MTUS2: variants seen among roughly 807,000 people sequenced by gnomAD.
The protein encoded by MTUS2 is microtubule associated scaffold protein 2.
In MTUS2, 40 loss-of-function variants were observed where a neutral mutation model predicts 114.1. That is an observed-to-expected ratio of 0.35 (90% confidence interval 0.27 to 0.46). MTUS2 has a LOEUF of 0.46. Among genes scored for constraint, MTUS2 ranks in the 20% least tolerant of loss-of-function variants. The pLI, the probability that MTUS2 is intolerant of heterozygous loss-of-function variation, is 1.00. For synonymous variants in MTUS2, 688 were observed against 672.0 expected, an observed-to-expected ratio of 1.02 and a Z score of -0.37; for missense variants, 1,679 against 1,705.4, an observed-to-expected ratio of 0.98 and a Z score of 0.27.
At chr13:29,261,350 T>C (rs1374569401) in intron 5 of MTUS2, among the ~76,000 whole-genome samples, 3 of 152,164 alleles carry the variant, frequency 2.0e-5, no homozygotes, top group African/African-American at 7.2e-5. Flanking sequence ...CCCTGAAGTG[T>C]TCATACATAT....
At chr13:28,939,050 G>A (rs1027607221) in intron 2 of MTUS2, among the ~76,000 whole-genome samples, 2 of 152,190 alleles carry the variant, frequency 1.3e-5, no homozygotes, top group African/African-American at 4.8e-5. Context: ...CTTCAGCGCT[G>A]TAACCACTTT....
At chr13:29,369,133 A>G (rs1192141653) in intron 8 of MTUS2, among the ~76,000 whole-genome samples, 1 of 152,182 alleles carries the variant, frequency 6.6e-6, no homozygotes, top group East Asian at 1.9e-4. Flanking sequence ...AAAAGGTTAC[A>G]GAATGAGGAA....
chr13:28,953,686 T>G (rs1882920744), intron 2 of MTUS2, among the ~76,000 whole-genome samples: 2 of 152,228 alleles, frequency 1.3e-5, no homozygotes, highest in Non-Finnish European at 2.9e-5. Flanking sequence ...TGGGATAAGC[T>G]CTCCATGCAT....
chr13:29,371,960 A>T, intron 8 of MTUS2, among the ~76,000 whole-genome samples: 1 of 104,318 alleles, frequency 9.6e-6, no homozygotes, highest in East Asian at 3.5e-4. Context: ...GTAGATCTTA[A>T]GTGTCCTCAA....
chr13:29,037,002 C>T (rs1377534322), intron 4 of MTUS2, among the ~76,000 whole-genome samples: 4 of 152,034 alleles, frequency 2.6e-5, no homozygotes, highest in East Asian at 1.9e-4. Context: ...GTGTTTACCC[C>T]GTTTACATAT....
chr13:29,178,345 T>G (rs1893860493), intron 5 of MTUS2, among the ~76,000 whole-genome samples: 3 of 152,174 alleles, frequency 2.0e-5, no homozygotes, highest in Non-Finnish European at 2.9e-5. Context: ...CTCCCCAGAT[T>G]TAAAGTGAAT....
At chr13:28,884,580 A>G (rs1878478842) in intron 2 of MTUS2, among the ~76,000 whole-genome samples, 1 of 152,196 alleles carries the variant, frequency 6.6e-6, no homozygotes, top group African/African-American at 2.4e-5. Context: ...ATCTACACAC[A>G]TGAGTACACA....
At chr13:29,379,612 C>T (rs2138355750) in intron 8 of MTUS2, among the ~76,000 whole-genome samples, 1 of 152,034 alleles carries the variant, frequency 6.6e-6, no homozygotes, top group Admixed American at 6.5e-5. Context: ...GGAAAGAGTC[C>T]CCTAATACCA....
intron 1 of MTUS2, among the ~76,000 whole-genome samples, chr13:28,823,353 A>G (rs770709944): frequency 1.2e-4 from 18 of 152,260 alleles, no homozygotes; most frequent in South Asian, 2.1e-4. Context: ...GGCTTATAAT[A>G]TCTACCACAC....
Position 29,026,350 on chromosome 13 carries a change from C to T in MTUS2, c.1652C>T (p.Pro551Leu). ...AACATGACCTACCAGCCTACAACACCCAGTAGCAGTTTTCAGGATGTTAGC... is the reference window on the plus strand; with the variant it reads ...AACATGACCTACCAGCCTACAACACTCAGTAGCAGTTTTCAGGATGTTAGC... ...TVNMTYQPTT[P>L]SSSFQDVSVF... The change falls in exon 3 of 16, where the codon CCC (proline) becomes CTC (leucine). Residue 551 changes from proline to leucine, a missense_variant. This residue lies in a region of MTUS2 where 843 missense variants were observed against 770.8 expected (regional missense o/e 1.09). Coordinates refer to ENST00000612955, the MANE Select transcript of MTUS2 (RefSeq NM_001033602.4). 6.2e-7 allele frequency: 1 copy of T among 1,613,976 alleles called. No individual in the cohort carries two copies. Among genetic ancestry groups the T allele is most frequent in the South Asian group, 1.1e-5 (1 of 91,076 alleles).
intron 9 of MTUS2, among the ~76,000 whole-genome samples, chr13:29,466,397 C>A (rs1360376350): frequency 6.6e-6 from 1 of 152,158 alleles, no homozygotes. Context: ...TGGGTGGAAA[C>A]AATTCAAGGT....
At chr13:29,129,192 T>C in intron 5 of MTUS2, among the ~76,000 whole-genome samples, 1 of 95,360 alleles carries the variant, frequency 1.0e-5, no homozygotes, top group African/African-American at 3.9e-5. Flanking sequence ...TGGCAGTCTT[T>C]TTTTTTTTTT....
chr13:29,434,198 G>A (rs1202309769), intron 8 of MTUS2, among the ~76,000 whole-genome samples: 1 of 152,156 alleles, frequency 6.6e-6, no homozygotes, highest in Non-Finnish European at 1.5e-5. Flanking sequence ...TGATGAAATT[G>A]TCCTCAGTAC....
chr13:28,958,021 G>A (rs923060379), intron 2 of MTUS2, among the ~76,000 whole-genome samples: 5 of 152,160 alleles, frequency 3.3e-5, no homozygotes, highest in African/African-American at 9.7e-5. Flanking sequence ...CATGGTCTCC[G>A]AGCACAGCCA....
At chr13:29,225,518 C>A (rs907333491) in intron 5 of MTUS2, among the ~76,000 whole-genome samples, 13 of 152,196 alleles carry the variant, frequency 8.5e-5, no homozygotes, top group Admixed American at 2.0e-4. Flanking sequence ...TAAATCATAT[C>A]ATGATCCACC....
intron 2 of MTUS2, among the ~76,000 whole-genome samples, chr13:29,001,138 C>T (rs1412735079): frequency 6.6e-6 from 1 of 152,202 alleles, no homozygotes; most frequent in African/African-American, 2.4e-5. Context: ...TCTTCTTGCC[C>T]TTTTTGCTGG....
chr13:29,300,852 C>T (rs930476857), intron 6 of MTUS2, among the ~76,000 whole-genome samples: 1 of 152,090 alleles, frequency 6.6e-6, no homozygotes, highest in African/African-American at 2.4e-5. Context: ...CTATTCAAGC[C>T]ACTATAAAAA....
chr13:29,082,291 A>C (rs2138734646), intron 4 of MTUS2, among the ~76,000 whole-genome samples: 1 of 152,286 alleles, frequency 6.6e-6, no homozygotes, highest in Admixed American at 6.5e-5. Context: ...TGTTTAAGCC[A>C]CCCAGTCTGT....
chr13:29,144,947 C>T (rs1454402315), intron 5 of MTUS2, among the ~76,000 whole-genome samples: 1 of 152,192 alleles, frequency 6.6e-6, no homozygotes, highest in Non-Finnish European at 1.5e-5. Context: ...TCATGAAGAA[C>T]ACATCTGAGA....
Sources: gnomAD v4.1 joint callset for allele counts (sites outside exome capture counted in the v4.1 genomes callset) on GRCh38, gnomAD v4.1.1 for gene constraint, gnomAD v4.1.1 regional missense constraint, MANE v1.5 for transcripts, NCBI Gene and HGNC (gene_info 2026-07-23, HGNC 2026-07-21) for gene names.